OR51A4: variants seen among roughly 807,000 people sequenced by gnomAD.
OR51A4 encodes olfactory receptor 51A4.
For synonymous variants in OR51A4, 96 were observed against 141.5 expected (o/e 0.68, Z 2.28); for missense variants, 243 against 364.0 (o/e 0.67, Z 2.70).
Position 4,943,710 on chromosome 11 carries a change from A to C in OR51A4, c.*2449T>G. ...GCCAGTTGAGAACCACTGTTTAAGG[A>C]GCCCCAGAGTTGAGATTTTAATCCT... On this transcript the variant is annotated 3_prime_UTR_variant, in exon 2 of 2. Coordinates refer to ENST00000641898, the MANE Select transcript of OR51A4 (RefSeq NM_001005329.2). The C allele has an allele frequency of 2.8e-6, 1 of 353,442 alleles. No individual in the cohort carries two copies. Among genetic ancestry groups the C allele is most frequent in the Non-Finnish European group, 5.6e-6 (1 of 178,726 alleles). The allele number at this position is 353,442 out of a possible 1,614,324, so 21.9% of individuals were successfully genotyped here. A position where few individuals can be genotyped will look rare whatever the true frequency, so the allele number is the denominator to read the frequency against.
Position 4,946,120 on chromosome 11 carries a change from C to G in OR51A4, c.*39G>C. On this transcript the variant is annotated 3_prime_UTR_variant, in exon 2 of 2. Transcript: ENST00000641898. ...GGTTTCTCAAATTTACCTTAAATAT[C>G]TTACCAGACATTTCCAGGTTTTCTG... is the stretch of plus-strand genomic sequence containing the variant. The G allele has an allele frequency of 6.4e-7, 1 of 1,560,104 alleles. No homozygotes were observed.
At position 4,945,525 on chromosome 11, in the gene OR51A4, G is replaced by A. The variant is rs905098669; in HGVS notation, c.*634C>T. 2.6e-5 allele frequency: 4 copies of A among 153,976 alleles called. No individual in the cohort carries two copies. Among genetic ancestry groups the A allele is most frequent in the African/African-American group, 9.7e-5 (4 of 41,424 alleles). The allele number at this position is 153,976 out of a possible 1,614,324, so 9.5% of individuals were successfully genotyped here. On this transcript the variant is annotated 3_prime_UTR_variant, in exon 2 of 2. Transcript: ENST00000641898. ...CACTTACACATTCAATTTGCCTATA[G>A]ATTACTCTTGCATTTCATTGTGAAT...
In OR51A4 at chr11:4,946,381, A is replaced by G. The variant is rs763214870; in HGVS notation, c.720T>C (p.Asn240=). The stretch of plus-strand genomic sequence containing the variant: ...CTGCACAGATGTGTGAAACACAAGT[A>G]TTGAGAGCCTTAAGCTGCTCCTTTT... ...ASKKEQLKAL[N]TCVSHICAVI... Residue 240 remains asparagine (N), a synonymous_variant, in exon 2 of 2, where the codon AAT becomes AAC. Transcript: ENST00000641898. The G allele has an allele frequency of 6.2e-7, 1 of 1,613,516 alleles. No individual in the cohort carries two copies.
In OR51A4 at chr11:4,946,321, G is replaced by A. The variant is rs764202521; in HGVS notation, c.780C>T (p.Ala260=). 28 of 1,613,748 alleles carry A rather than the reference G, an allele frequency of 1.7e-5. No homozygotes were observed. Among genetic ancestry groups the A allele is most frequent in the Non-Finnish European group, 2.0e-5 (24 of 1,180,002 alleles). ...IIFYLPIINL[A]VVHRFARHVS... ...CATGCCGGGCAAAGCGGTGGACAACGGCCAGGTTGATGATGGGCAGGTAGA... is the reference window on the plus strand; with the variant it reads ...CATGCCGGGCAAAGCGGTGGACAACAGCCAGGTTGATGATGGGCAGGTAGA... The change falls in exon 2 of 2, where the codon GCC becomes GCT. Residue 260 remains alanine, a synonymous_variant. Transcript: ENST00000641898.
In OR51A4 at chr11:4,944,688, T is replaced by G. The variant is rs1375554391; in HGVS notation, c.*1471A>C. On this transcript the variant is annotated 3_prime_UTR_variant, in exon 2 of 2. Transcript: ENST00000641898. ...AAAGGCTAAAATGATTTTCGCAATA[T>G]GCAAGATTTTGAGGTCATATTAGGA... is the stretch of plus-strand genomic sequence containing the variant. 6.6e-6 allele frequency: 1 copy of G among 152,106 alleles called. No homozygotes were observed. The highest frequency in any genetic ancestry group is 2.4e-5 in the African/African-American group (1 of 41,428). The allele number at this position is 152,106 out of a possible 1,614,324, so 9.4% of individuals were successfully genotyped here.
At position 4,944,375 on chromosome 11, in the gene OR51A4, G is replaced by A. The variant is rs1418593485; in HGVS notation, c.*1784C>T. 6.4e-6 allele frequency: 1 copy of A among 157,206 alleles called. No homozygotes were observed. The highest frequency in any genetic ancestry group is 1.4e-5 in the Non-Finnish European group (1 of 71,616). 9.7% of individuals were successfully genotyped at this position (157,206 alleles called of 1,614,324 possible). On this transcript the variant is annotated 3_prime_UTR_variant, in exon 2 of 2. Coordinates refer to ENST00000641898, the MANE Select transcript of OR51A4 (RefSeq NM_001005329.2). Reference sequence around the variant, plus strand: ...CAATCTCTTCAACTAAAATAAATAGGAAAAAACCTTTTATAAAAAGCTGGG... The same window carrying A: ...CAATCTCTTCAACTAAAATAAATAGAAAAAAACCTTTTATAAAAAGCTGGG...
Position 4,947,407 on chromosome 11 carries a change from A to G in OR51A4, c.-63+138T>C, listed in dbSNP as rs375711741. On this transcript the variant is annotated intron_variant, in intron 1 of 1. Transcript: ENST00000641898. ...ATTTCATTTTTTCCTGTAAAATATT[A>G]GTAAACGCTGGTCAATTAACTGGAA... 4.7e-4 allele frequency: 108 copies of G among 231,386 alleles called. 16 individuals are homozygous for G. The Middle Eastern group carries it at 4.9e-3, about 11-fold the overall frequency. The allele number at this position is 231,386 out of a possible 1,614,324, so 14.3% of individuals were successfully genotyped here.
In OR51A4 at chr11:4,946,087, A is replaced by T; in HGVS notation, c.*72T>A. On this transcript the variant is annotated 3_prime_UTR_variant, in exon 2 of 2. Transcript: ENST00000641898. The stretch of plus-strand genomic sequence containing the variant: ...ATATGTGTTGATAATTCTTGGTGTC[A>T]AATATTAGGTTTCTCAAATTTACCT... 1 of 1,353,158 alleles carries T rather than the reference A, an allele frequency of 7.4e-7. No individual in the cohort carries two copies. The highest frequency in any genetic ancestry group is 1.0e-6 in the Non-Finnish European group (1 of 959,076). The allele number at this position is 1,353,158 out of a possible 1,614,324, so 83.8% of individuals were successfully genotyped here. A position where few individuals can be genotyped will look rare whatever the true frequency, so the allele number is the denominator to read the frequency against.
rs1385004128 is a variant in OR51A4, at chr11:4,946,800, C to G, written c.301G>C (p.Ala101Pro). Residue 101 changes from alanine (A) to proline (P), a missense_variant, in exon 2 of 2, where the codon GCC becomes CCC. By Grantham distance (27) the Ala-to-Pro change is conservative. Transcript: ENST00000641898. ...AATCCATGAATGAAGAATTCCTGGG[C>G]AAAGCAGGCATTGGATGAAATTTCA... ...APEISSNACF[A>P]QEFFIHGFSV... 2 of 1,586,926 alleles carry G rather than the reference C, an allele frequency of 1.3e-6. No individual in the cohort carries two copies. The highest frequency in any genetic ancestry group is 1.7e-6 in the Non-Finnish European group (2 of 1,160,638).
chr11:4,944,979 T>C lies in OR51A4; in HGVS notation c.*1180A>G, dbSNP rs1417896451. 2.6e-5 allele frequency: 4 copies of C among 152,140 alleles called. No homozygotes were observed. Among genetic ancestry groups the C allele is most frequent in the Admixed American group, 1.3e-4 (2 of 15,258 alleles). The allele number at this position is 152,140 out of a possible 1,614,324, so 9.4% of individuals were successfully genotyped here. A position where few individuals can be genotyped will look rare whatever the true frequency, so the allele number is the denominator to read the frequency against. ...AATCTACTCTGCATCAGAAGTGTCCTAGACATTAGGCAGGAAAAAATAAGA... is the reference window on the plus strand; with the variant it reads ...AATCTACTCTGCATCAGAAGTGTCCCAGACATTAGGCAGGAAAAAATAAGA... On this transcript the variant is annotated 3_prime_UTR_variant, in exon 2 of 2. Coordinates refer to ENST00000641898, the MANE Select transcript of OR51A4 (RefSeq NM_001005329.2).
rs1477229724 is a variant in OR51A4 at position 4,943,540 on chromosome 11, A to G, written c.*2619T>C. Reference sequence around the variant, plus strand: ...TTTGTGCTAGATAATTCTTTTGGGTAAGGGCTATCCTGTACATTAAAGAAT... The same window carrying G: ...TTTGTGCTAGATAATTCTTTTGGGTGAGGGCTATCCTGTACATTAAAGAAT... On this transcript the variant is annotated 3_prime_UTR_variant, in exon 2 of 2. Coordinates refer to ENST00000641898, the MANE Select transcript of OR51A4 (RefSeq NM_001005329.2). 2 of 455,432 alleles carry G rather than the reference A, an allele frequency of 4.4e-6. No individual in the cohort carries two copies. The highest frequency in any genetic ancestry group is 2.0e-5 in the African/African-American group (1 of 49,978). The allele number at this position is 455,432 out of a possible 1,614,324, so 28.2% of individuals were successfully genotyped here. A position where few individuals can be genotyped will look rare whatever the true frequency, so the allele number is the denominator to read the frequency against.
Position 4,946,680 on chromosome 11 carries a change from C to A in OR51A4, c.421G>T (p.Val141Phe). The A allele has an allele frequency of 6.3e-7, 1 of 1,591,700 alleles. No homozygotes were observed. The highest frequency in any genetic ancestry group is 8.6e-7 in the Non-Finnish European group (1 of 1,163,272). ...PLRYTSILTT[V>F]RVAQIGIVFS... Reference sequence around the variant, plus strand: ...ACTATCCCTATTTGGGCAACTCTGACAGTTGTCAGGATTGAGGTGTATCTC... The same window carrying A: ...ACTATCCCTATTTGGGCAACTCTGAAAGTTGTCAGGATTGAGGTGTATCTC... Residue 141 changes from valine (V) to phenylalanine (F), a missense_variant, in exon 2 of 2, where the codon GTC (valine) becomes TTC (phenylalanine). Physicochemically the swap from Val to Phe is conservative, Grantham distance 50 (BLOSUM62 -1). Coordinates refer to ENST00000641898, the MANE Select transcript of OR51A4 (RefSeq NM_001005329.2).
intron 1 of OR51A4, 110 bp from the exon 2 acceptor site, chr11:4,947,272 TTG>T: frequency 2.1e-6 from 1 of 480,694 alleles, no homozygotes; most frequent in South Asian, 2.7e-5. Flanking sequence ...AGATGGTTGG[TTG>T]CTGCTTTGGA....
At position 4,946,426 on chromosome 11, in the gene OR51A4, A is replaced by T. The variant is rs1474797079; in HGVS notation, c.675T>A (p.Thr225=). 1 of 1,609,220 alleles carries T rather than the reference A, an allele frequency of 6.2e-7. No individual in the cohort carries two copies. Among genetic ancestry groups the T allele is most frequent in the African/African-American group, 1.3e-5 (1 of 74,438 alleles). ...CCTTTTTGGATGCAATTCCCAGTAC[A>T]GTCTTGAGGATCAGGGTGTAAGACA... ...IAVSYTLILK[T]VLGIASKKEQ... is the part of the protein sequence containing the mutation. Residue 225 remains threonine (T), a synonymous_variant, in exon 2 of 2, where the codon ACT becomes ACA. Transcript: ENST00000641898.
In OR51A4 at chr11:4,946,102, C is replaced by A; in HGVS notation, c.*57G>T. 6.7e-7 allele frequency: 1 copy of A among 1,498,084 alleles called. No individual in the cohort carries two copies. The highest frequency in any genetic ancestry group is 1.8e-5 in the Admixed American group (1 of 55,996). 92.8% of individuals were successfully genotyped at this position (1,498,084 alleles called of 1,614,324 possible). ...TCTTGGTGTCAAATATTAGGTTTCTCAAATTTACCTTAAATATCTTACCAG... is the reference window on the plus strand; with the variant it reads ...TCTTGGTGTCAAATATTAGGTTTCTAAAATTTACCTTAAATATCTTACCAG... On this transcript the variant is annotated 3_prime_UTR_variant, in exon 2 of 2. Coordinates refer to ENST00000641898, the MANE Select transcript of OR51A4 (RefSeq NM_001005329.2).
rs1331121153 is a variant in OR51A4, at chr11:4,943,827, AT to A, written c.*2331del. ...CCCCCATTGAGATTTATGTATCTTTATTTTATTTTTCATTTCATTTTATTAA... is the reference window on the plus strand; with the variant it reads ...CCCCCATTGAGATTTATGTATCTTTATTTATTTTTCATTTCATTTTATTAA... On this transcript the variant is annotated 3_prime_UTR_variant, in exon 2 of 2. Transcript: ENST00000641898. 1 of 444,996 alleles carries A rather than the reference AT, an allele frequency of 2.2e-6. No homozygotes were observed. The highest frequency in any genetic ancestry group is 7.0e-5 in the East Asian group (1 of 14,246). The allele number at this position is 444,996 out of a possible 1,614,324, so 27.6% of individuals were successfully genotyped here.
At position 4,944,434 on chromosome 11, in the gene OR51A4, A is replaced by G. The variant is rs530752384; in HGVS notation, c.*1725T>C. 1.1e-3 allele frequency: 177 copies of G among 161,526 alleles called. No individual in the cohort carries two copies. The Middle Eastern group carries it at 0.021, about 20-fold the overall frequency. 10.0% of individuals were successfully genotyped at this position (161,526 alleles called of 1,614,324 possible). On this transcript the variant is annotated 3_prime_UTR_variant, in exon 2 of 2. Coordinates refer to ENST00000641898, the MANE Select transcript of OR51A4 (RefSeq NM_001005329.2). ...GAGAGCAAATTTTTAAAATGCCTAA[A>G]AAGACCTGGAAGCATATCCTGCATA...
At position 4,943,559 on chromosome 11, in the gene OR51A4, AAAG is replaced by A; in HGVS notation, c.*2597_*2599del. 2.2e-6 allele frequency: 1 copy of A among 445,118 alleles called. No homozygotes were observed. The highest frequency in any genetic ancestry group is 4.5e-6 in the Non-Finnish European group (1 of 221,660). 27.6% of individuals were successfully genotyped at this position (445,118 alleles called of 1,614,324 possible). A position where few individuals can be genotyped will look rare whatever the true frequency, so the allele number is the denominator to read the frequency against. On this transcript the variant is annotated 3_prime_UTR_variant, in exon 2 of 2. Coordinates refer to ENST00000641898, the MANE Select transcript of OR51A4 (RefSeq NM_001005329.2). Reference sequence around the variant, plus strand: ...TTGGGTAAGGGCTATCCTGTACATTAAAGAATGGTTAGTAGCGTCTCCGGCCTC... The same window carrying A: ...TTGGGTAAGGGCTATCCTGTACATTAAATGGTTAGTAGCGTCTCCGGCCTC...
Position 4,943,637 on chromosome 11 carries a change from G to A in OR51A4, c.*2522C>T, listed in dbSNP as rs1195800769. 7 of 368,266 alleles carry A rather than the reference G, an allele frequency of 1.9e-5. No homozygotes were observed. The highest frequency in any genetic ancestry group is 4.2e-5 in the African/African-American group (2 of 47,194). The allele number at this position is 368,266 out of a possible 1,614,324, so 22.8% of individuals were successfully genotyped here. On this transcript the variant is annotated 3_prime_UTR_variant, in exon 2 of 2. Transcript: ENST00000641898. ...CCCACACCCCCAGGTTGCAACAACC[G>A]AAGATGTCCCCAGACATTGCCAAAT...
Sources: gnomAD v4.1 joint callset for allele counts on GRCh38, gnomAD v4.1.1 for gene constraint, MANE v1.5 for transcripts, NCBI Gene and HGNC (gene_info 2026-07-23, HGNC 2026-07-21) for gene names.